The following CDKAL1 variants were observed in gnomAD, a reference collection of about 807,000 sequenced individuals.
CDKAL1 encodes CDKAL1 threonylcarbamoyladenosine tRNA methylthiotransferase.
In CDKAL1, 32 loss-of-function variants were observed where a neutral mutation model predicts 68.2. The ratio of observed to expected loss-of-function variants is 0.47; its 90% CI spans 0.35 to 0.63. The LOEUF (loss-of-function observed/expected upper bound fraction) is 0.63, where lower values mean the gene tolerates loss of function less well. Ranked by LOEUF, CDKAL1 falls within the 30% of genes least tolerant of loss-of-function variation. The probability of loss-of-function intolerance (pLI) is 0.00; values close to 1 mark genes in which losing one functional copy is unlikely to be tolerated. For synonymous variants in CDKAL1, 234 were observed against 244.3 expected, an observed-to-expected ratio of 0.96 and a Z score of 0.39; for missense variants, 606 against 696.7, an observed-to-expected ratio of 0.87 and a Z score of 1.47.
In CDKAL1 at chr6:20,862,635, TTGTGTGTGTG is replaced by T. The variant is rs56736298; in HGVS notation, c.742+16476_742+16485del. On this transcript the variant is annotated intron_variant, in intron 9 of 15. Coordinates refer to ENST00000274695, the MANE Select transcript of CDKAL1 (RefSeq NM_017774.3). ...CTTTCTGCCTTGTCTTCTTTCCAACTTGTGTGTGTGTGTGTGTGTGTGTGTGTGCGCGCGT... is the reference window on the plus strand; with the variant it reads ...CTTTCTGCCTTGTCTTCTTTCCAACTTGTGTGTGTGTGTGTGTGCGCGCGT... Among the ~76,000 whole-genome samples the T allele has an allele frequency of 2.5e-3, 369 of 149,202 alleles. 1 individual carries two copies. The highest frequency in any genetic ancestry group is 8.4e-3 in the African/African-American group (336 of 39,950).
At position 21,220,201 on chromosome 6, in the gene CDKAL1, C is replaced by CGTGT. The variant is rs144863478; in HGVS notation, c.1549-10632_1549-10629dup. 6.7e-5 allele frequency among the ~76,000 whole-genome samples: 10 copies of CGTGT among 150,248 alleles called. No individual in the cohort carries two copies. In the East Asian group the frequency reaches 7.8e-4, roughly 12 times the overall value. On this transcript the variant is annotated intron_variant, in intron 15 of 15. Coordinates refer to ENST00000274695, the MANE Select transcript of CDKAL1 (RefSeq NM_017774.3). ...TTATGTTAAAGCTCGTGCGTGCGTG[C>CGTGT]GTGTGTGTGTGTGTGTGTTTGCGAG... is the stretch of plus-strand genomic sequence containing the variant.
At chr6:20,568,340 C>T (rs1235913590) in intron 4 of CDKAL1, among the ~76,000 whole-genome samples, 1 of 151,770 alleles carries the variant, frequency 6.6e-6, no homozygotes, top group African/African-American at 2.4e-5. Context: ...TTTAAATTCT[C>T]GTCTATGAAA....
chr6:20,776,633 C>A (rs368777495), intron 7 of CDKAL1, among the ~76,000 whole-genome samples: 12 of 152,234 alleles, frequency 7.9e-5, no homozygotes, highest in African/African-American at 2.9e-4. Context: ...TTAAAAGTTG[C>A]ATTTAATATG....
chr6:20,910,106 CT>C (rs1762401797), intron 9 of CDKAL1, among the ~76,000 whole-genome samples: 1 of 152,164 alleles, frequency 6.6e-6, no homozygotes, highest in South Asian at 2.1e-4. Context: ...ACTAATAGCT[CT>C]AACTGTTCCT....
chr6:20,616,890 A>G (rs1284336681), intron 4 of CDKAL1, among the ~76,000 whole-genome samples: 1 of 104,488 alleles, frequency 9.6e-6, no homozygotes, highest in East Asian at 2.4e-4. Flanking sequence ...CACTACAAAA[A>G]TTAGCTGGAC....
intron 8 of CDKAL1, among the ~76,000 whole-genome samples, chr6:20,797,887 G>T (rs1776180952): frequency 6.6e-6 from 1 of 151,354 alleles, no homozygotes; most frequent in Admixed American, 6.6e-5. Flanking sequence ...CGCAACCACG[G>T]TTCGCTGCGT....
Position 20,771,033 on chromosome 6 carries a change from T to C in CDKAL1, c.518-10112T>C, listed in dbSNP as rs190744793. The stretch of plus-strand genomic sequence containing the variant: ...CCACTTATTTGTTCAACAGTCTGCC[T>C]TCCTCGAGACCTTAAGTCCCTTTAA... On this transcript the variant is annotated intron_variant, in intron 7 of 15. Transcript: ENST00000274695. 9.2e-5 allele frequency among the ~76,000 whole-genome samples: 14 copies of C among 152,306 alleles called. No homozygotes were observed. In the East Asian group the frequency reaches 2.5e-3, roughly 27 times the overall value.
At chr6:20,828,740 A>G (rs946700616) in intron 8 of CDKAL1, among the ~76,000 whole-genome samples, 11 of 152,130 alleles carry the variant, frequency 7.2e-5, no homozygotes, top group African/African-American at 2.7e-4. Context: ...TTTTAAGTGG[A>G]TAGTTAAGTG....
chr6:21,080,938 T>A (rs1468657043), intron 12 of CDKAL1, among the ~76,000 whole-genome samples: 2 of 152,212 alleles, frequency 1.3e-5, no homozygotes, highest in Non-Finnish European at 1.5e-5. Flanking sequence ...TGACTGTACT[T>A]GGGAACATAT....
chr6:20,900,303 T>G (rs998529169), intron 9 of CDKAL1, among the ~76,000 whole-genome samples: 1 of 152,234 alleles, frequency 6.6e-6, no homozygotes, highest in African/African-American at 2.4e-5. Flanking sequence ...TGTAAAGTGA[T>G]GGAGTGAAAA....
chr6:21,098,636 T>A (rs144350686), intron 12 of CDKAL1, among the ~76,000 whole-genome samples: 10 of 151,246 alleles, frequency 6.6e-5, no homozygotes, highest in African/African-American at 2.4e-4. Context: ...CAAGACATGG[T>A]TTCTTTCTTC....
At chr6:20,574,793 ACT>A (rs1180377013) in intron 4 of CDKAL1, among the ~76,000 whole-genome samples, 1 of 151,908 alleles carries the variant, frequency 6.6e-6, no homozygotes, top group Non-Finnish European at 1.5e-5. Context: ...GTATGAAAAC[ACT>A]CTTTAATCTT....
intron 9 of CDKAL1, among the ~76,000 whole-genome samples, chr6:20,861,867 C>G (rs925016577): frequency 6.6e-6 from 1 of 152,200 alleles, no homozygotes; most frequent in Admixed American, 6.5e-5. Flanking sequence ...AGCTTCCCAG[C>G]TGTGACTCCA....
intron 9 of CDKAL1, among the ~76,000 whole-genome samples, chr6:20,938,197 A>G (rs1276748128): frequency 2.0e-5 from 3 of 152,176 alleles, no homozygotes; most frequent in African/African-American, 7.2e-5. Context: ...CAGATTGGCC[A>G]TTGAGAGCTT....
intron 9 of CDKAL1, among the ~76,000 whole-genome samples, chr6:20,920,029 A>G (rs1482534420): frequency 6.6e-6 from 1 of 152,170 alleles, no homozygotes; most frequent in Non-Finnish European, 1.5e-5. Flanking sequence ...TTTCTCATTA[A>G]GCCTATTTTG....
rs532146067 is a variant in CDKAL1, at chr6:21,202,339, T to C, written c.1548+1065T>C. Among the ~76,000 whole-genome samples, 19 of 152,226 alleles carry C rather than the reference T, an allele frequency of 1.2e-4. No individual in the cohort carries two copies. The East Asian group carries it at 3.3e-3, about 26-fold the overall frequency. On this transcript the variant is annotated intron_variant, in intron 15 of 15. Coordinates refer to ENST00000274695, the MANE Select transcript of CDKAL1 (RefSeq NM_017774.3). ...ATCCTACCAAATGCATCAGCCTGCA[T>C]GATCAGGAGATAACTCTAAAACTTG... is the stretch of plus-strand genomic sequence containing the variant.
chr6:20,989,566 A>G (rs954772176), intron 10 of CDKAL1, among the ~76,000 whole-genome samples: 2 of 152,228 alleles, frequency 1.3e-5, no homozygotes, highest in Non-Finnish European at 2.9e-5. Context: ...AAGAGAAGCC[A>G]ATAAAACTCT....
chr6:21,155,921 A>G (rs1776619214), intron 13 of CDKAL1, among the ~76,000 whole-genome samples: 1 of 152,202 alleles, frequency 6.6e-6, no homozygotes, highest in Non-Finnish European at 1.5e-5. Context: ...GTAAAGAACA[A>G]CCTAAATATC....
intron 4 of CDKAL1, among the ~76,000 whole-genome samples, chr6:20,626,322 C>T (rs1020744649): frequency 2.0e-5 from 3 of 152,044 alleles, no homozygotes; most frequent in Non-Finnish European, 4.4e-5. Flanking sequence ...GAAGCAGAGA[C>T]CTTCACTAAA....
Sources: allele counts gnomAD v4.1 joint callset (sites outside exome capture counted in the v4.1 genomes callset), GRCh38; gene constraint gnomAD v4.1.1; transcripts MANE v1.5; gene names NCBI Gene and HGNC (gene_info 2026-07-23, HGNC 2026-07-21).